Variants in ABTB3 observed in about 807,000 individuals in gnomAD.
The protein encoded by ABTB3 is ankyrin repeat and BTB domain containing 3, also known as ankyrin repeat- and BTB/POZ domain-containing protein 3.
At chr12:107,414,767 G>C in the ABTB3 span, among the ~76,000 whole-genome samples, 3 of 149,242 alleles carry the variant, frequency 2.0e-5, no homozygotes, top group Non-Finnish European at 3.0e-5. Context: ...ACCCAGTCTG[G>C]AGTGCAGTGG....
At chr12:107,372,161 G>A in the ABTB3 span, among the ~76,000 whole-genome samples, 3 of 152,186 alleles carry the variant, frequency 2.0e-5, no homozygotes, top group African/African-American at 2.4e-5. Context: ...ATTCTGCCCT[G>A]TTGTCATCTT....
chr12:107,529,328 G>T, the ABTB3 span, among the ~76,000 whole-genome samples: 1 of 150,634 alleles, frequency 6.6e-6, no homozygotes. Flanking sequence ...TGATGGTGAT[G>T]GCGATAATGA....
At chr12:107,552,326 G>T in the ABTB3 span, among the ~76,000 whole-genome samples, 3 of 152,114 alleles carry the variant, frequency 2.0e-5, no homozygotes, top group Admixed American at 6.5e-5. Context: ...ATTAGTATTT[G>T]CAGGGTATAA....
the ABTB3 span, among the ~76,000 whole-genome samples, chr12:107,360,388 G>A: frequency 6.6e-6 from 1 of 152,148 alleles, no homozygotes; most frequent in Non-Finnish European, 1.5e-5. Context: ...CAGCCAGTGG[G>A]GTAAGATGTA....
At chr12:107,335,139 C>T in the ABTB3 span, among the ~76,000 whole-genome samples, 1 of 151,412 alleles carries the variant, frequency 6.6e-6, no homozygotes, top group Non-Finnish European at 1.5e-5. Context: ...TGTAAAGAGT[C>T]AGCTGAGAGT....
the ABTB3 span, among the ~76,000 whole-genome samples, chr12:107,503,498 G>A: frequency 6.6e-6 from 1 of 152,058 alleles, no homozygotes; most frequent in Non-Finnish European, 1.5e-5. Context: ...CAGTCGAGGT[G>A]GCTCACACCT....
At chr12:107,595,590 T>C in the ABTB3 span, among the ~76,000 whole-genome samples, 5 of 152,300 alleles carry the variant, frequency 3.3e-5, no homozygotes, top group South Asian at 2.1e-4. Context: ...GACAGCAGCA[T>C]TGGAAGAGAA....
chr12:107,465,200 G>A, the ABTB3 span, among the ~76,000 whole-genome samples: 13 of 152,088 alleles, frequency 8.5e-5, no homozygotes, highest in Non-Finnish European at 1.5e-4. Context: ...AGAGCATGCC[G>A]TCTGCCCTCC....
chr12:107,544,510 C>T, the ABTB3 span, among the ~76,000 whole-genome samples: 3 of 152,242 alleles, frequency 2.0e-5, no homozygotes, highest in East Asian at 3.9e-4. Flanking sequence ...CCCCAGGGCC[C>T]GGGATAACCA....
chr12:107,654,518 T>C, the ABTB3 span, among the ~76,000 whole-genome samples: 1 of 152,118 alleles, frequency 6.6e-6, no homozygotes, highest in Non-Finnish European at 1.5e-5. Context: ...AGGCTGGTCT[T>C]GAACTCCTGA....
the ABTB3 span, among the ~76,000 whole-genome samples, chr12:107,430,907 C>T: frequency 6.6e-6 from 1 of 152,304 alleles, no homozygotes; most frequent in East Asian, 1.9e-4. Flanking sequence ...ATTATTAGAA[C>T]AAACTCTTCT....
the ABTB3 span, among the ~76,000 whole-genome samples, chr12:107,503,659 AG>A: frequency 6.9e-6 from 1 of 145,336 alleles, no homozygotes; most frequent in African/African-American, 2.5e-5. Context: ...CAGGAGGCTG[AG>A]GTGGGAGGCT....
chr12:107,336,001 C>T, the ABTB3 span, among the ~76,000 whole-genome samples: 1 of 152,194 alleles, frequency 6.6e-6, no homozygotes, highest in Non-Finnish European at 1.5e-5. Flanking sequence ...AATTCTGCTC[C>T]CTCCCCACCA....
At chr12:107,390,709 G>C in the ABTB3 span, among the ~76,000 whole-genome samples, 4 of 152,218 alleles carry the variant, frequency 2.6e-5, no homozygotes, top group African/African-American at 9.6e-5. Context: ...GATCTTGGAG[G>C]CTGTTCCTCA....
At chr12:107,619,072 C>T in the ABTB3 span, among the ~76,000 whole-genome samples, 1 of 152,170 alleles carries the variant, frequency 6.6e-6, no homozygotes, top group African/African-American at 2.4e-5. Flanking sequence ...TCCCTAAACA[C>T]AGGGTGTGGC....
chr12:107,632,893 C>T, the ABTB3 span, among the ~76,000 whole-genome samples: 46 of 152,340 alleles, frequency 3.0e-4, no homozygotes, highest in Middle Eastern at 0.01. Flanking sequence ...AGTCCCCTCA[C>T]GAGCTTGCCA....
At chr12:107,352,896 G>A in the ABTB3 span, among the ~76,000 whole-genome samples, 1 of 152,140 alleles carries the variant, frequency 6.6e-6, no homozygotes, top group Non-Finnish European at 1.5e-5. Flanking sequence ...ATTACTTCCT[G>A]TGAGTGGGTG....
At chr12:107,572,321 C>T in the ABTB3 span, among the ~76,000 whole-genome samples, 1 of 151,992 alleles carries the variant, frequency 6.6e-6, no homozygotes, top group South Asian at 2.1e-4. Context: ...GGCCTGCAAA[C>T]ACCTTGATTT....
At chr12:107,565,758 G>T in the ABTB3 span, among the ~76,000 whole-genome samples, 1 of 152,184 alleles carries the variant, frequency 6.6e-6, no homozygotes, top group African/African-American at 2.4e-5. Context: ...TGGAGGGAGG[G>T]ACTTCAGGAT....
Sources: allele counts gnomAD v4.1 joint callset (sites outside exome capture counted in the v4.1 genomes callset), GRCh38; gene constraint gnomAD v4.1.1; transcripts MANE v1.5; gene names NCBI Gene and HGNC (gene_info 2026-07-23, HGNC 2026-07-21).